Variants in RBFOX3 observed in about 807,000 individuals in gnomAD.
RBFOX3 encodes the protein RNA binding fox-1 homolog 3.
In RBFOX3, 17 loss-of-function variants were observed where a neutral mutation model predicts 48.7. That is an observed-to-expected ratio of 0.35 (90% CI 0.24 to 0.52). The LOEUF (loss-of-function observed/expected upper bound fraction) is 0.52. Among genes scored for constraint, RBFOX3 ranks in the 20% least tolerant of loss-of-function variants. RBFOX3 has a pLI of 0.94. For missense variants in RBFOX3, 382 were observed against 497.5 expected (o/e 0.77, Z 2.21); for synonymous variants, 212 against 209.5 (o/e 1.01, Z -0.10).
At chr17:79,389,544 A>G (rs746397556) in intron 2 of RBFOX3, among the ~76,000 whole-genome samples, 1 of 152,150 alleles carries the variant, frequency 6.6e-6, no homozygotes, top group Non-Finnish European at 1.5e-5. Context: ...GGAAGAGCCT[A>G]TTGTTAAACA....
At chr17:79,097,031 C>G (rs941602756) in intron 11 of RBFOX3, among the ~76,000 whole-genome samples, 198 bp from the exon 12 acceptor site, 1 of 152,128 alleles carries the variant, frequency 6.6e-6, no homozygotes, top group Non-Finnish European at 1.5e-5. Flanking sequence ...GACAACGGCC[C>G]CATTAAAGCA....
chr17:79,106,738 G>A lies in RBFOX3; in HGVS notation c.273C>T (p.Asp91=). ...QTDSQPLHPS[D]PTEKQQPKRL... ...GCTTGGGCTGCTGCTTCTCTGTAGGGTCGGAGGGGTGGAGCGGCTGGCTGT... is the reference window on the plus strand; with the variant it reads ...GCTTGGGCTGCTGCTTCTCTGTAGGATCGGAGGGGTGGAGCGGCTGGCTGT... Residue 91 remains aspartate, a synonymous_variant, in exon 6 of 15, where the codon GAC becomes GAT. Coordinates refer to ENST00000693108, the MANE Select transcript of RBFOX3 (RefSeq NM_001350451.2). 2 of 1,522,364 alleles carry A rather than the reference G, an allele frequency of 1.3e-6. No homozygotes were observed. Among genetic ancestry groups the A allele is most frequent in the Non-Finnish European group, 1.8e-6 (2 of 1,135,742 alleles). 94.3% of individuals were successfully genotyped at this position (1,522,364 alleles called of 1,614,324 possible).
intron 2 of RBFOX3, among the ~76,000 whole-genome samples, chr17:79,344,975 C>T (rs779162448): frequency 9.2e-5 from 14 of 152,262 alleles, no homozygotes; most frequent in Non-Finnish European, 2.1e-4. Context: ...AGTCACTTGC[C>T]TGTCCTCAGA....
chr17:79,202,385 C>G (rs2056891842), intron 4 of RBFOX3, among the ~76,000 whole-genome samples: 1 of 152,146 alleles, frequency 6.6e-6, no homozygotes, highest in Non-Finnish European at 1.5e-5. Flanking sequence ...CCTGAAAGCC[C>G]CCTCTGTGCT....
chr17:79,448,294 C>G (rs1159324727), intron 2 of RBFOX3, among the ~76,000 whole-genome samples: 2 of 152,122 alleles, frequency 1.3e-5, no homozygotes, highest in Admixed American at 6.5e-5. Context: ...AATTGTGTCT[C>G]CCAAAAAGAT....
intron 1 of RBFOX3, among the ~76,000 whole-genome samples, chr17:79,588,915 C>T (rs1599232245): frequency 4.0e-5 from 6 of 151,878 alleles, no homozygotes; most frequent in South Asian, 2.1e-4. Flanking sequence ...AGTGAGACCC[C>T]GTCCTGCACT....
chr17:79,382,381 C>T (rs897398608), intron 2 of RBFOX3, among the ~76,000 whole-genome samples: 41 of 152,324 alleles, frequency 2.7e-4, no homozygotes, highest in African/African-American at 8.9e-4. Context: ...CCACCAACTG[C>T]GTTACCAAAC....
chr17:79,356,367 T>TTTTTTGTTTG (rs1555684828), intron 2 of RBFOX3, among the ~76,000 whole-genome samples: 1 of 76,998 alleles, frequency 1.3e-5, no homozygotes, highest in African/African-American at 4.7e-5. Flanking sequence ...TTTTTTTTTT[T>TTTTTTGTTTG]TTTTTTTTTT....
At chr17:79,513,738 C>T (rs1025173814) in intron 1 of RBFOX3, among the ~76,000 whole-genome samples, 1 of 152,208 alleles carries the variant, frequency 6.6e-6, no homozygotes, top group Admixed American at 6.5e-5. Flanking sequence ...CAGAAAGAAC[C>T]GTCAGTGAGG....
At chr17:79,374,478 A>C (rs1007138280) in intron 2 of RBFOX3, among the ~76,000 whole-genome samples, 1 of 152,242 alleles carries the variant, frequency 6.6e-6, no homozygotes. Flanking sequence ...CATTAAGCTA[A>C]TGAGTTGCTG....
chr17:79,334,490 G>A (rs189230915), intron 2 of RBFOX3, among the ~76,000 whole-genome samples: 1 of 152,300 alleles, frequency 6.6e-6, no homozygotes, highest in African/African-American at 2.4e-5. Flanking sequence ...TCAGATCCTG[G>A]AACCACTGTT....
chr17:79,553,995 A>G (rs1016988872), intron 1 of RBFOX3, among the ~76,000 whole-genome samples: 27 of 152,136 alleles, frequency 1.8e-4, no homozygotes, highest in Admixed American at 7.2e-4. Context: ...CGGCCTCCCA[A>G]AATGCTGGGA....
intron 2 of RBFOX3, among the ~76,000 whole-genome samples, chr17:79,366,729 G>A (rs1166723734): frequency 6.6e-6 from 1 of 152,226 alleles, no homozygotes; most frequent in African/African-American, 2.4e-5. Context: ...GGAGCTGGAA[G>A]GCTTCTGCCT....
At chr17:79,133,545 G>C (rs1330311057) in intron 4 of RBFOX3, among the ~76,000 whole-genome samples, 1 of 152,162 alleles carries the variant, frequency 6.6e-6, no homozygotes, top group Non-Finnish European at 1.5e-5. Flanking sequence ...CTACATCCTT[G>C]AGGTGTCCAA....
intron 3 of RBFOX3, among the ~76,000 whole-genome samples, chr17:79,268,540 G>C (rs1437693433): frequency 1.3e-5 from 2 of 152,120 alleles, no homozygotes; most frequent in Admixed American, 6.6e-5. Flanking sequence ...CAGTTCCCAG[G>C]CCAGTCCTCT....
At chr17:79,402,538 G>A (rs1215832584) in intron 2 of RBFOX3, among the ~76,000 whole-genome samples, 1 of 152,206 alleles carries the variant, frequency 6.6e-6, no homozygotes, top group Non-Finnish European at 1.5e-5. Context: ...AGTGAGCGCA[G>A]GGGGCCCCGC....
At chr17:79,463,770 C>T (rs2075920288) in intron 2 of RBFOX3, among the ~76,000 whole-genome samples, 1 of 150,738 alleles carries the variant, frequency 6.6e-6, no homozygotes, top group East Asian at 2.0e-4. Flanking sequence ...GCCATCACCA[C>T]TGCCACTGCC....
chr17:79,115,546 T>C lies in RBFOX3; in HGVS notation c.170A>G (p.Gln57Arg). 1 of 1,339,906 alleles carries C rather than the reference T, an allele frequency of 7.5e-7. No individual in the cohort carries two copies. The allele number at this position is 1,339,906 out of a possible 1,614,324, so 83.0% of individuals were successfully genotyped here. A position where few individuals can be genotyped will look rare whatever the true frequency, so the allele number is the denominator to read the frequency against. The change falls in exon 5 of 15, where the codon CAG becomes CGG. Residue 57 changes from glutamine to arginine, a missense_variant. Physicochemically the swap from Gln to Arg is conservative, Grantham distance 43. Coordinates refer to ENST00000693108, the MANE Select transcript of RBFOX3 (RefSeq NM_001350451.2). Reference sequence around the variant, plus strand: ...CTGTGTGCTGGCCTCGGAGCCTGGCTGCTCGGGGTGGGTCTGTGCTGGTGT... The same window carrying C: ...CTGTGTGCTGGCCTCGGAGCCTGGCCGCTCGGGGTGGGTCTGTGCTGGTGT... ...LYTPAQTHPE[Q>R]PGSEASTQPI...
At chr17:79,167,974 A>G (rs560556252) in intron 4 of RBFOX3, among the ~76,000 whole-genome samples, 3 of 152,100 alleles carry the variant, frequency 2.0e-5, no homozygotes, top group South Asian at 4.2e-4. Context: ...TTCACCTCCA[A>G]CCACAGAGTG....
Sources: gnomAD v4.1 joint callset for allele counts (sites outside exome capture counted in the v4.1 genomes callset) on GRCh38, gnomAD v4.1.1 for gene constraint, MANE v1.5 for transcripts, NCBI Gene and HGNC (gene_info 2026-07-23, HGNC 2026-07-21) for gene names.